CDK17: variants seen among roughly 807,000 people sequenced by gnomAD.
The protein encoded by CDK17 is cyclin-dependent kinase 17.
CDK17 carries 24 observed loss-of-function variants against 77.6 expected under a neutral mutation model. The ratio of observed to expected loss-of-function variants is 0.31; its 90% CI spans 0.22 to 0.44. The LOEUF is 0.44. Ranked by LOEUF, CDK17 falls within the 20% of genes least tolerant of loss-of-function variation. CDK17 has a pLI of 1.00. For missense variants in CDK17, 429 were observed against 622.5 expected, an observed-to-expected ratio of 0.69 and a Z score of 3.31; for synonymous variants, 203 against 210.4, an observed-to-expected ratio of 0.96 and a Z score of 0.30.
chr12:96,323,635 G>A (rs1952855256), intron 3 of CDK17, among the ~76,000 whole-genome samples: 1 of 152,028 alleles, frequency 6.6e-6, no homozygotes, highest in Non-Finnish European at 1.5e-5. Context: ...ATATGGTGAT[G>A]ATCTGAAAAG....
rs1952359778 is a variant in CDK17 at position 96,293,698 on chromosome 12, A to G, written c.997+1301T>C. 2.0e-5 allele frequency among the ~76,000 whole-genome samples: 3 copies of G among 152,358 alleles called. No homozygotes were observed. In the South Asian group the frequency reaches 6.2e-4, roughly 32 times the overall value. ...CTTTAAATGGGTCTTTTATCCATGC[A>G]TGATTCTGTAATATCATGCATTAGC... On this transcript the variant is annotated intron_variant, in intron 10 of 16. Coordinates refer to ENST00000261211, the MANE Select transcript of CDK17 (RefSeq NM_002595.5).
intron 1 of CDK17, among the ~76,000 whole-genome samples, chr12:96,347,626 G>A (rs1363504744): frequency 2.9e-5 from 1 of 34,176 alleles, no homozygotes; most frequent in Non-Finnish European, 6.8e-5. Context: ...GGGAGGGGAA[G>A]GGAGGGGAGG....
chr12:96,279,715 T>C lies in CDK17; in HGVS notation c.*527A>G, dbSNP rs1367923858. On this transcript the variant is annotated 3_prime_UTR_variant, in exon 17 of 17. Coordinates refer to ENST00000261211, the MANE Select transcript of CDK17 (RefSeq NM_002595.5). ...ATTAAGAAATTATATAGTATAAACT[T>C]AAAGTGTTCAAGATGGCTCACTTAT... 2.0e-5 allele frequency: 3 copies of C among 152,642 alleles called. No homozygotes were observed. The highest frequency in any genetic ancestry group is 2.9e-5 in the Non-Finnish European group (2 of 68,050). 9.5% of individuals were successfully genotyped at this position (152,642 alleles called of 1,614,324 possible).
intron 2 of CDK17, 66 bp downstream of exon 2, chr12:96,334,652 TA>T: frequency 1.2e-6 from 1 of 839,990 alleles, no homozygotes; most frequent in Middle Eastern, 2.3e-4. Context: ...ATCTAAAAAG[TA>T]AATTTACATT....
chr12:96,295,511 C>G (rs144659200), intron 9 of CDK17: 1,533 of 152,032 alleles, frequency 0.01, 43 homozygotes, highest in Admixed American at 0.061. Flanking sequence ...AACCAACCAA[C>G]CCCCCTCCCA....
intron 1 of CDK17, among the ~76,000 whole-genome samples, chr12:96,395,064 C>T (rs1348932419): frequency 6.6e-6 from 1 of 151,854 alleles, no homozygotes; most frequent in East Asian, 1.9e-4. Flanking sequence ...TTAGTAGAGA[C>T]CGGGTTTCAC....
At chr12:96,316,435 G>A (rs7134580) in intron 3 of CDK17, among the ~76,000 whole-genome samples, 31,607 of 143,916 alleles carry the variant, frequency 0.22, 4,855 homozygotes, top group Middle Eastern at 0.32. Context: ...CACGAAGCTC[G>A]AACTGGGTGG....
At chr12:96,299,523 T>G (rs1952465716) in intron 6 of CDK17, among the ~76,000 whole-genome samples, 1 of 151,866 alleles carries the variant, frequency 6.6e-6, no homozygotes, top group Non-Finnish European at 1.5e-5. Context: ...CCCGAGTAGC[T>G]GGGATTACAG....
chr12:96,297,520 G>C, intron 8 of CDK17, 107 bp downstream of exon 8: 1 of 851,442 alleles, frequency 1.2e-6, no homozygotes, highest in East Asian at 2.5e-5. Context: ...GTCCAATTTA[G>C]CTAAGCACAG....
chr12:96,294,605 AAAAAAAG>A (rs1416914810), intron 10 of CDK17, among the ~76,000 whole-genome samples: 1 of 151,406 alleles, frequency 6.6e-6, no homozygotes, highest in East Asian at 1.9e-4. Context: ...AAAAAAAAAA[AAAAAAAG>A]ATATATTTTG....
At chr12:96,301,737 C>CT (rs1952508138) in intron 5 of CDK17, among the ~76,000 whole-genome samples, 1 of 151,984 alleles carries the variant, frequency 6.6e-6, no homozygotes, top group South Asian at 2.1e-4. Flanking sequence ...TAGTCAAACT[C>CT]TAGAGGTCTA....
intron 1 of CDK17, among the ~76,000 whole-genome samples, chr12:96,379,202 T>G (rs747771263): frequency 1.7e-4 from 26 of 152,178 alleles, no homozygotes; most frequent in Admixed American, 3.3e-4. Flanking sequence ...AGTGCTGAAA[T>G]GCAGTACAGC....
chr12:96,311,195 GT>G lies in CDK17; in HGVS notation c.418-19del. 1 of 1,500,876 alleles carries G rather than the reference GT, an allele frequency of 6.7e-7. No homozygotes were observed. Among genetic ancestry groups the G allele is most frequent in the Non-Finnish European group, 8.9e-7 (1 of 1,128,940 alleles). 93.0% of individuals were successfully genotyped at this position (1,500,876 alleles called of 1,614,324 possible). A position where few individuals can be genotyped will look rare whatever the true frequency, so the allele number is the denominator to read the frequency against. On this transcript the variant is annotated intron_variant, in intron 4 of 16. Transcript: ENST00000261211. Reference sequence around the variant, plus strand: ...TTTAAATCCTTAAAAAAAAAAAAAGGTAATCCAAAATAGTAAAGGCAAGGCA... The same window carrying G: ...TTTAAATCCTTAAAAAAAAAAAAAGGAATCCAAAATAGTAAAGGCAAGGCA...
chr12:96,341,314 T>TAC (rs1419704777), intron 1 of CDK17, among the ~76,000 whole-genome samples: 7 of 66,282 alleles, frequency 1.1e-4, no homozygotes, highest in East Asian at 3.9e-4. Flanking sequence ...ACTTATCATA[T>TAC]ACATACACAC....
At chr12:96,395,746 C>T (rs1032677565) in intron 1 of CDK17, among the ~76,000 whole-genome samples, 2 of 152,302 alleles carry the variant, frequency 1.3e-5, no homozygotes, top group Admixed American at 1.3e-4. Flanking sequence ...GTGAGACCCT[C>T]TCATGACGGG....
At position 96,286,155 on chromosome 12, in the gene CDK17, T is replaced by TAA; in HGVS notation, c.1217-9_1217-8dup. On this transcript the variant is annotated splice_polypyrimidine_tract_variant and splice_region_variant and intron_variant, in intron 12 of 16. Transcript: ENST00000261211. ...GTTTCCTGAGATGGAGTTCCTGAAT[T>TAA]AAAAAAAAAAATTAAATATATTTAT... The TAA allele has an allele frequency of 4.6e-5, 42 of 915,556 alleles. No homozygotes were observed. The highest frequency in any genetic ancestry group is 5.9e-5 in the Non-Finnish European group (39 of 665,426). The allele number at this position is 915,556 out of a possible 1,614,324, so 56.7% of individuals were successfully genotyped here. A position where few individuals can be genotyped will look rare whatever the true frequency, so the allele number is the denominator to read the frequency against.
chr12:96,292,398 G>C (rs771785278), intron 10 of CDK17, among the ~76,000 whole-genome samples: 18 of 152,108 alleles, frequency 1.2e-4, no homozygotes, highest in African/African-American at 4.3e-4. Context: ...TTGAGGCCAG[G>C]AGTTCGAGAC....
intron 5 of CDK17, among the ~76,000 whole-genome samples, chr12:96,304,748 A>C (rs1322162031): frequency 6.6e-6 from 1 of 152,174 alleles, no homozygotes; most frequent in African/African-American, 2.4e-5. Flanking sequence ...TACCACCTTA[A>C]TCCTGTACTC....
intron 4 of CDK17, 99 bp from the exon 5 acceptor site, chr12:96,311,276 G>T (rs1211356353): frequency 9.5e-7 from 1 of 1,054,078 alleles, no homozygotes; most frequent in Non-Finnish European, 1.3e-6. Context: ...ATAAGTAATT[G>T]TAAAGTTTTA....
Sources: allele counts gnomAD v4.1 joint callset (sites outside exome capture counted in the v4.1 genomes callset), GRCh38; gene constraint gnomAD v4.1.1; transcripts MANE v1.5; gene names NCBI Gene and HGNC (gene_info 2026-07-23, HGNC 2026-07-21).